Variants in FBN3 observed in about 807,000 individuals in gnomAD.
The protein encoded by FBN3 is fibrillin-3.
FBN3 carries 234 observed loss-of-function variants against 330.1 expected under a neutral mutation model. That is an observed-to-expected ratio of 0.71 (90% CI 0.64 to 0.79). The LOEUF (loss-of-function observed/expected upper bound fraction) is 0.79. FBN3 is among the 30% of genes least tolerant of loss of function. The pLI is 0.00. For missense variants in FBN3, 3,606 were observed against 3,886.9 expected (o/e 0.93, Z 1.92); for synonymous variants, 1,458 against 1,517.3 (o/e 0.96, Z 0.91).
At chr19:8,084,010 G>A (rs2081874821) in intron 56 of FBN3, among the ~76,000 whole-genome samples, 2 of 151,808 alleles carry the variant, frequency 1.3e-5, no homozygotes, top group Admixed American at 1.3e-4. Context: ...CACCGTGTCA[G>A]CCAGGATGGT....
At position 8,096,591 on chromosome 19, in the gene FBN3, T is replaced by G. The variant is rs749962294; in HGVS notation, c.5414-22A>C. ...CGTCCTGGGGGTGCAGAGAGCATGG[T>G]GTTCCCAGGGCTCCTACCACAGTGT... is the stretch of plus-strand genomic sequence containing the variant. On this transcript the variant is annotated intron_variant, in intron 43 of 63. Coordinates refer to ENST00000600128, the MANE Select transcript of FBN3 (RefSeq NM_032447.5). This position sits in a 1 kb window ranked among gnomAD's most constrained non-coding sequence, Gnocchi z 4.6. 1.9e-6 allele frequency: 3 copies of G among 1,597,450 alleles called. No individual in the cohort carries two copies. The African/African-American group carries it at 4.0e-5, about 21-fold the overall frequency.
chr19:8,086,009 ACAGGCAGTGGGAGGG>A (rs1418294398), intron 55 of FBN3, among the ~76,000 whole-genome samples, 176 bp downstream of exon 55: 5 of 109,854 alleles, frequency 4.6e-5, no homozygotes, highest in African/African-American at 1.4e-4. Context: ...CAGTGGGGGG[ACAGGCAGTGGGAGGG>A]ACAGGCAGTG....
chr19:8,144,289 C>T (rs566639605), intron 6 of FBN3, among the ~76,000 whole-genome samples: 153 of 151,952 alleles, frequency 1.0e-3, no homozygotes, highest in African/African-American at 3.6e-3. Flanking sequence ...CCCAGCTACT[C>T]GGGAGGCTGA....
At chr19:8,077,216 A>G (rs1262670344) in intron 59 of FBN3, among the ~76,000 whole-genome samples, 1 of 152,230 alleles carries the variant, frequency 6.6e-6, no homozygotes, top group African/African-American at 2.4e-5. Context: ...GTGGGAGCCC[A>G]TGGCTGGTAT....
At chr19:8,141,491 A>G (rs1005090090) in intron 8 of FBN3, among the ~76,000 whole-genome samples, 1 of 151,982 alleles carries the variant, frequency 6.6e-6, no homozygotes, top group Non-Finnish European at 1.5e-5. Context: ...TGCTGGCAAA[A>G]CCTTGGGAAC....
At chr19:8,093,150 C>T (rs567736706) in intron 47 of FBN3, among the ~76,000 whole-genome samples, 6 of 152,102 alleles carry the variant, frequency 3.9e-5, no homozygotes, top group South Asian at 2.1e-4. Context: ...TACCCTACAC[C>T]GGACAGGGTT....
Position 8,065,899 on chromosome 19 carries a change from C to A in FBN3, c.*20G>T. ...ATCCCCCTTCTCTGGACAGCTGGGG[C>A]CCACTGAGGCTCCTCCCAACTAAAG... On this transcript the variant is annotated 3_prime_UTR_variant, in exon 64 of 64. Transcript: ENST00000600128. 1 of 1,529,540 alleles carries A rather than the reference C, an allele frequency of 6.5e-7. No homozygotes were observed. Among genetic ancestry groups the A allele is most frequent in the Non-Finnish European group, 8.8e-7 (1 of 1,131,202 alleles). 94.7% of individuals were successfully genotyped at this position (1,529,540 alleles called of 1,614,324 possible). A position where few individuals can be genotyped will look rare whatever the true frequency, so the allele number is the denominator to read the frequency against.
At chr19:8,090,444 A>ATC (rs2082069362) in intron 48 of FBN3, among the ~76,000 whole-genome samples, 193 bp from the exon 49 acceptor site, 1 of 149,416 alleles carries the variant, frequency 6.7e-6, no homozygotes, top group Non-Finnish European at 1.5e-5. Context: ...GCCAATGAGG[A>ATC]TCTGCCCTGG....
Position 8,072,011 on chromosome 19 carries a change from C to G in FBN3, c.8088+37G>C, listed in dbSNP as rs2081524541. 3 of 1,588,002 alleles carry G rather than the reference C, an allele frequency of 1.9e-6. No homozygotes were observed. The African/African-American group carries it at 4.1e-5, about 22-fold the overall frequency. ...AGCCTCTTTCCCACACTCACCCATT[C>G]CCTGGCCACCCCTGCCTAGTGCAGC... On this transcript the variant is annotated intron_variant, in intron 63 of 63. Coordinates refer to ENST00000600128, the MANE Select transcript of FBN3 (RefSeq NM_032447.5).
In FBN3 at chr19:8,141,704, T is replaced by G; in HGVS notation, c.865+13A>C. On this transcript the variant is annotated intron_variant, in intron 8 of 63. Transcript: ENST00000600128. ...CAGAGGAGGTCTCAGGTTGTCCCCCTCCAGTCACCCACCTTCACATGCGGC... is the reference window on the plus strand; with the variant it reads ...CAGAGGAGGTCTCAGGTTGTCCCCCGCCAGTCACCCACCTTCACATGCGGC... 6.2e-7 allele frequency: 1 copy of G among 1,608,440 alleles called. No homozygotes were observed. Among genetic ancestry groups the G allele is most frequent in the South Asian group, 1.1e-5 (1 of 90,236 alleles).
At chr19:8,085,893 C>T (rs965133888) in intron 55 of FBN3, among the ~76,000 whole-genome samples, 9 of 151,170 alleles carry the variant, frequency 6.0e-5, no homozygotes, top group East Asian at 2.0e-4. Flanking sequence ...CATGTGTGTC[C>T]GGATTAGCTC....
At chr19:8,074,296 G>A (rs980459977) in intron 61 of FBN3, among the ~76,000 whole-genome samples, 3 of 152,188 alleles carry the variant, frequency 2.0e-5, no homozygotes, top group African/African-American at 7.2e-5. Flanking sequence ...CCTGGGGGGT[G>A]GGGTCGTGTG....
At chr19:8,075,693 T>C (rs2081624553) in intron 59 of FBN3, among the ~76,000 whole-genome samples, 1 of 152,216 alleles carries the variant, frequency 6.6e-6, no homozygotes, top group Non-Finnish European at 1.5e-5. Context: ...CAGCTGTATA[T>C]GGAGATGATA....
At chr19:8,110,247 T>A (rs1434113089) in intron 34 of FBN3, among the ~76,000 whole-genome samples, 1 of 152,062 alleles carries the variant, frequency 6.6e-6, no homozygotes, top group Non-Finnish European at 1.5e-5. Context: ...TTTTTAGAGA[T>A]GAGGTCTCGC....
chr19:8,085,245 A>G (rs1001936392), intron 56 of FBN3, 118 bp downstream of exon 56: 1 of 819,854 alleles, frequency 1.2e-6, no homozygotes, highest in African/African-American at 1.8e-5. Context: ...ACACACACAC[A>G]CACACACACA....
In FBN3 at chr19:8,109,124, G is replaced by T; in HGVS notation, c.4618+103C>A. ...TCCTCCCCCAGTTCTTGGTTTTCCT[G>T]TCGCCTAAGCCCCCCACCACCGCCA... On this transcript the variant is annotated intron_variant, in intron 36 of 63. Coordinates refer to ENST00000600128, the MANE Select transcript of FBN3 (RefSeq NM_032447.5). The surrounding 1 kb of genome is among the most constrained non-coding windows in gnomAD (Gnocchi z 5.2). The T allele has an allele frequency of 8.7e-7, 1 of 1,150,668 alleles. No homozygotes were observed. Among genetic ancestry groups the T allele is most frequent in the Non-Finnish European group, 1.2e-6 (1 of 818,302 alleles). 71.3% of individuals were successfully genotyped at this position (1,150,668 alleles called of 1,614,324 possible).
At chr19:8,089,005 A>T (rs2082031199) in intron 51 of FBN3, among the ~76,000 whole-genome samples, 1 of 152,260 alleles carries the variant, frequency 6.6e-6, no homozygotes, top group Non-Finnish European at 1.5e-5. Flanking sequence ...TGAGTGAGAG[A>T]ATTAGCAAGT....
chr19:8,108,042 C>G, intron 37 of FBN3, 128 bp downstream of exon 37: 1 of 686,392 alleles, frequency 1.5e-6, no homozygotes. Context: ...TGCTGCTCAG[C>G]CTCCAGGTGG....
At position 8,090,231 on chromosome 19, in the gene FBN3, A is replaced by T; in HGVS notation, c.6052T>A (p.Phe2018Ile). 1 of 1,613,888 alleles carries T rather than the reference A, an allele frequency of 6.2e-7. No individual in the cohort carries two copies. Among genetic ancestry groups the T allele is most frequent in the Non-Finnish European group, 8.5e-7 (1 of 1,179,986 alleles). Residue 2018 changes from phenylalanine (F) to isoleucine (I), a missense_variant, in exon 49 of 64, where the codon TTC becomes ATC. Transcript: ENST00000600128. ...CACTTCCCAGCCTCAAAACGGGTGA[A>T]GCAGAAACTCTGCCGTGTGTCTGTG... is the stretch of plus-strand genomic sequence containing the variant. ...RCFDTRQSFCFTRFEAGKCSV... is the reference protein window; with the variant it reads ...RCFDTRQSFCITRFEAGKCSV...
Sources: allele counts gnomAD v4.1 joint callset (sites outside exome capture counted in the v4.1 genomes callset), GRCh38; gene constraint gnomAD v4.1.1; non-coding constraint Gnocchi (gnomAD v3.1); transcripts MANE v1.5; gene names NCBI Gene and HGNC (gene_info 2026-07-23, HGNC 2026-07-21).